The following GRM1 variants were observed in gnomAD, a reference collection of about 807,000 sequenced individuals.
GRM1 encodes the protein glutamate metabotropic receptor 1.
Under a neutral mutation model 90.9 loss-of-function variants are expected in GRM1, and 33 were observed. The observed-to-expected ratio is 0.36, with a 90% CI of 0.28 to 0.49. GRM1 has a LOEUF of 0.49. GRM1 is among the 20% of genes least tolerant of loss of function. The probability of loss-of-function intolerance (pLI) is 0.99; values close to 1 mark genes in which losing one functional copy is unlikely to be tolerated. For synonymous variants in GRM1, 700 were observed against 613.2 expected (o/e 1.14, Z -2.09); for missense variants, 1,190 against 1,534.3 (o/e 0.78, Z 3.75).
chr6:146,086,464 A>G (rs1247868916), intron 1 of GRM1, among the ~76,000 whole-genome samples: 3 of 152,138 alleles, frequency 2.0e-5, no homozygotes, highest in Non-Finnish European at 4.4e-5. Context: ...CAAAGCTGCT[A>G]ATCAGGTAAG....
intron 1 of GRM1, among the ~76,000 whole-genome samples, chr6:146,113,886 C>T (rs1393459129): frequency 1.3e-5 from 2 of 152,068 alleles, no homozygotes; most frequent in Non-Finnish European, 2.9e-5. Context: ...CTTTGGGCCA[C>T]CGGTCCTCAA....
intron 1 of GRM1, among the ~76,000 whole-genome samples, chr6:146,082,342 G>C (rs1277526479): frequency 6.6e-6 from 1 of 152,184 alleles, no homozygotes; most frequent in South Asian, 2.1e-4. Context: ...TTTTAGTAGA[G>C]ACAGGGTTTC....
chr6:146,192,077 A>G (rs1396205478), intron 2 of GRM1, among the ~76,000 whole-genome samples: 1 of 152,188 alleles, frequency 6.6e-6, no homozygotes, highest in East Asian at 1.9e-4. Flanking sequence ...AGATTGCTTA[A>G]CTTTCAGTGT....
At chr6:146,339,644 A>G (rs898091531) in intron 3 of GRM1, among the ~76,000 whole-genome samples, 2 of 152,228 alleles carry the variant, frequency 1.3e-5, no homozygotes, top group African/African-American at 2.4e-5. Context: ...TATAAGAATA[A>G]TTGAGATAAT....
At chr6:146,082,203 T>C (rs757170338) in intron 1 of GRM1, among the ~76,000 whole-genome samples, 35 of 152,320 alleles carry the variant, frequency 2.3e-4, no homozygotes, top group South Asian at 2.1e-4. Flanking sequence ...TCACCCAGGC[T>C]GGAGTGTGGT....
intron 2 of GRM1, among the ~76,000 whole-genome samples, chr6:146,278,777 C>T (rs1199801929): frequency 1.3e-5 from 2 of 152,140 alleles, no homozygotes; most frequent in Non-Finnish European, 2.9e-5. Flanking sequence ...GAGTGAGACT[C>T]TGTCTCAAAA....
At chr6:146,291,889 T>A (rs556480052) in intron 2 of GRM1, among the ~76,000 whole-genome samples, 9 of 152,012 alleles carry the variant, frequency 5.9e-5, no homozygotes, top group Non-Finnish European at 1.3e-4. Context: ...AAATTTTAAT[T>A]ACTCACATTT....
rs1777058746 is a variant in GRM1, at chr6:146,398,801, T to C, written c.1762T>C (p.Trp588Arg). The C allele has an allele frequency of 1.2e-6, 2 of 1,613,514 alleles. No homozygotes were observed. Among genetic ancestry groups the C allele is most frequent in the African/African-American group, 1.3e-5 (1 of 74,872 alleles). ...CEPIPVRYLE[W>R]SNIESIIAIA... is the part of the protein sequence containing the mutation. ...GCCCATTCCTGTGCGCTATCTTGAG[T>C]GGAGCAACATCGAATCCATTATAGC... The change falls in exon 7 of 8, where the codon TGG becomes CGG. Residue 588 changes from tryptophan (W) to arginine (R), a missense_variant. Physicochemically the swap from Trp to Arg is moderately radical, Grantham distance 101 (BLOSUM62 -3). Around this residue, in one of 10 missense-constraint regions of GRM1, gnomAD observed 414 missense variants for 598.4 expected, o/e 0.69. Coordinates refer to ENST00000282753, the MANE Select transcript of GRM1 (RefSeq NM_001278064.2).
At chr6:146,265,395 A>G (rs1422730046) in intron 2 of GRM1, among the ~76,000 whole-genome samples, 1 of 152,034 alleles carries the variant, frequency 6.6e-6, no homozygotes, top group Non-Finnish European at 1.5e-5. Context: ...TTTCTTGATG[A>G]GTTGTTTGAG....
chr6:146,108,475 T>C (rs1256216159), intron 1 of GRM1, among the ~76,000 whole-genome samples: 1 of 152,192 alleles, frequency 6.6e-6, no homozygotes, highest in Non-Finnish European at 1.5e-5. Context: ...CCATTTGAAA[T>C]GTGCCTTTCA....
intron 3 of GRM1, among the ~76,000 whole-genome samples, chr6:146,323,364 G>A (rs939603081): frequency 3.4e-4 from 51 of 152,140 alleles, no homozygotes; most frequent in African/African-American, 1.2e-3. Flanking sequence ...TTTTTCATGT[G>A]TTTTTTGGCT....
rs78437675 is a variant in GRM1, at chr6:146,205,371, C to T, written c.950+45774C>T. Among the ~76,000 whole-genome samples, 223 of 152,186 alleles carry T rather than the reference C, an allele frequency of 1.5e-3. 6 individuals are homozygous for T. In the East Asian group the frequency reaches 0.038, roughly 26 times the overall value. ...TCTGGCTTTTTCTATTTATTTTCCT[C>T]ATTCCTTTTTGAGGACTGATTTAAC... On this transcript the variant is annotated intron_variant, in intron 2 of 7. Transcript: ENST00000282753.
chr6:146,352,146 T>G (rs889455550), intron 3 of GRM1, 104 bp from the exon 4 acceptor site: 1 of 1,182,624 alleles, frequency 8.5e-7, no homozygotes, highest in Non-Finnish European at 1.3e-6. Context: ...GTGTCATTGC[T>G]CATTCCCTTC....
chr6:146,043,811 AAAGG>A (rs1791220872), intron 1 of GRM1, among the ~76,000 whole-genome samples: 1 of 145,590 alleles, frequency 6.9e-6, no homozygotes, highest in Non-Finnish European at 1.5e-5. Flanking sequence ...ATATATATAT[AAAGG>A]GAAGTGACCT....
intron 6 of GRM1, among the ~76,000 whole-genome samples, chr6:146,390,222 T>G (rs945348702): frequency 1.9e-4 from 29 of 152,092 alleles, no homozygotes; most frequent in African/African-American, 7.0e-4. Flanking sequence ...TTTTAATATA[T>G]ACTCCATACA....
chr6:146,297,730 C>G, intron 2 of GRM1, among the ~76,000 whole-genome samples: 1 of 151,974 alleles, frequency 6.6e-6, no homozygotes, highest in Non-Finnish European at 1.5e-5. Flanking sequence ...ACCTTTTGTT[C>G]AAATAAGAAA....
chr6:146,205,894 C>T (rs1461785374), intron 2 of GRM1, among the ~76,000 whole-genome samples: 1 of 152,128 alleles, frequency 6.6e-6, no homozygotes, highest in Non-Finnish European at 1.5e-5. Context: ...AACTTGCAGG[C>T]ATGTGCAGAG....
chr6:146,434,565 C>A lies in GRM1; in HGVS notation c.3354C>A (p.Asn1118Lys). 2 of 1,614,156 alleles carry A rather than the reference C, an allele frequency of 1.2e-6. No individual in the cohort carries two copies. The highest frequency in any genetic ancestry group is 1.7e-6 in the Non-Finnish European group (2 of 1,180,028). The change falls in exon 8 of 8, where the codon AAC becomes AAA. Residue 1118 changes from asparagine (N) to lysine (K), a missense_variant. This residue lies in a region of GRM1 where 400 missense variants were observed against 360.8 expected (regional missense o/e 1.11). Coordinates refer to ENST00000282753, the MANE Select transcript of GRM1 (RefSeq NM_001278064.2). ...EYVYEHEREG[N>K]TEEDELEEEE... ...TGTATGAGCACGAGCGGGAAGGGAA[C>A]ACGGAAGAAGACGAACTGGAAGAGG...
intron 3 of GRM1, among the ~76,000 whole-genome samples, chr6:146,336,846 T>C (rs1784787349): frequency 1.3e-5 from 2 of 152,202 alleles, no homozygotes; most frequent in African/African-American, 4.8e-5. Flanking sequence ...ATACCACAAC[T>C]AATTAAAAAC....
Sources: gnomAD v4.1 joint callset for allele counts (sites outside exome capture counted in the v4.1 genomes callset) on GRCh38, gnomAD v4.1.1 for gene constraint, gnomAD v4.1.1 regional missense constraint, MANE v1.5 for transcripts, NCBI Gene and HGNC (gene_info 2026-07-23, HGNC 2026-07-21) for gene names.